WWOX: variants seen among roughly 807,000 people sequenced by gnomAD.
WWOX encodes the protein WW domain containing oxidoreductase, also known as WW domain-containing oxidoreductase.
A neutral mutation model predicts 46.2 loss-of-function variants in WWOX; 69 were observed. The ratio of observed to expected loss-of-function variants is 1.49; its 90% CI spans 1.23 to 1.82. The LOEUF (loss-of-function observed/expected upper bound fraction) is 1.82, where lower values mean the gene tolerates loss of function less well. Ranked by LOEUF, WWOX falls within the 40% of genes most tolerant of loss-of-function variation. The pLI is 0.00. For synonymous variants in WWOX, 359 were observed against 202.6 expected, an observed-to-expected ratio of 1.77 and a Z score of -6.56; for missense variants, 919 against 542.6, an observed-to-expected ratio of 1.69 and a Z score of -6.89.
intron 8 of WWOX, among the ~76,000 whole-genome samples, chr16:78,601,847 G>T (rs540482857): frequency 2.1e-5 from 3 of 141,892 alleles, no homozygotes; most frequent in Admixed American, 2.0e-4. Flanking sequence ...CGACTCTGCA[G>T]ATCCCTACTC....
At chr16:79,171,166 G>A (rs931478294) in intron 8 of WWOX, among the ~76,000 whole-genome samples, 2 of 152,156 alleles carry the variant, frequency 1.3e-5, no homozygotes, top group Non-Finnish European at 2.9e-5. Flanking sequence ...ACACTGACTT[G>A]GGAGACACAC....
At chr16:78,623,179 C>A (rs1161797674) in intron 8 of WWOX, among the ~76,000 whole-genome samples, 1 of 151,646 alleles carries the variant, frequency 6.6e-6, no homozygotes, top group East Asian at 1.9e-4. Context: ...GCCCAGACTC[C>A]TATCCTATGG....
chr16:78,315,085 A>G (rs1332582364), intron 5 of WWOX, among the ~76,000 whole-genome samples: 2 of 151,912 alleles, frequency 1.3e-5, no homozygotes, highest in African/African-American at 4.8e-5. Context: ...CTATCTATCG[A>G]TTTCTCTTTT....
chr16:78,416,950 T>G (rs1017540155), intron 6 of WWOX, among the ~76,000 whole-genome samples: 1 of 152,036 alleles, frequency 6.6e-6, no homozygotes, highest in Non-Finnish European at 1.5e-5. Context: ...AGCTACAGTT[T>G]CTCTAAGAAG....
intron 8 of WWOX, among the ~76,000 whole-genome samples, chr16:78,470,639 C>T (rs1278217243): frequency 6.6e-6 from 1 of 152,206 alleles, no homozygotes; most frequent in African/African-American, 2.4e-5. Context: ...AAGCCATTCT[C>T]CTGCCTCAGC....
At chr16:79,061,186 C>A (rs1266925325) in intron 8 of WWOX, among the ~76,000 whole-genome samples, 2 of 152,138 alleles carry the variant, frequency 1.3e-5, no homozygotes, top group African/African-American at 4.8e-5. Context: ...TGTGTGCCAA[C>A]CCGAAAGCCT....
chr16:78,247,604 A>G (rs1438842839), intron 5 of WWOX, among the ~76,000 whole-genome samples: 4 of 151,998 alleles, frequency 2.6e-5, no homozygotes, highest in Non-Finnish European at 5.9e-5. Flanking sequence ...TAGTTCTGCA[A>G]TTTCCCAACA....
At chr16:78,732,597 T>G (rs1347840062) in intron 8 of WWOX, among the ~76,000 whole-genome samples, 1 of 152,202 alleles carries the variant, frequency 6.6e-6, no homozygotes, top group Non-Finnish European at 1.5e-5. Flanking sequence ...ATGTGGTAAC[T>G]GGGCTATGCT....
chr16:78,788,612 T>C (rs2050515791), intron 8 of WWOX, among the ~76,000 whole-genome samples: 1 of 152,198 alleles, frequency 6.6e-6, no homozygotes, highest in Non-Finnish European at 1.5e-5. Context: ...ACCCCATACC[T>C]CGCCCTATGT....
chr16:78,674,343 G>C (rs1236760043), intron 8 of WWOX, among the ~76,000 whole-genome samples: 1 of 150,018 alleles, frequency 6.7e-6, no homozygotes, highest in East Asian at 2.0e-4. Flanking sequence ...GGAGTGCAGT[G>C]GTGCGATCTT....
chr16:78,204,611 A>T (rs1368738940), intron 5 of WWOX, among the ~76,000 whole-genome samples: 2 of 151,962 alleles, frequency 1.3e-5, no homozygotes, highest in African/African-American at 4.8e-5. Context: ...CATTTCTGTG[A>T]GTTCAGTTGT....
Position 78,234,955 on chromosome 16 carries a change from T to G in WWOX, c.516+70666T>G, listed in dbSNP as rs555158008. The stretch of plus-strand genomic sequence containing the variant: ...AGGGATTAAGGATATAAACCCAACT[T>G]CAAATTTCTTTCTGGGTGGTCTTGA... On this transcript the variant is annotated intron_variant, in intron 5 of 8. Coordinates refer to ENST00000566780, the MANE Select transcript of WWOX (RefSeq NM_016373.4). Among the ~76,000 whole-genome samples the G allele has an allele frequency of 7.2e-5, 11 of 152,088 alleles. No homozygotes were observed. The South Asian group carries it at 2.3e-3, about 32-fold the overall frequency.
chr16:78,439,424 C>T (rs2083400188), intron 8 of WWOX, among the ~76,000 whole-genome samples: 1 of 152,152 alleles, frequency 6.6e-6, no homozygotes, highest in African/African-American at 2.4e-5. Context: ...CACCTTCTTG[C>T]AGGAAGAAAC....
chr16:78,874,691 T>TTC (rs1567618806), intron 8 of WWOX, among the ~76,000 whole-genome samples: 2 of 143,168 alleles, frequency 1.4e-5, no homozygotes, highest in African/African-American at 5.3e-5. Flanking sequence ...TTTCTTTTTT[T>TTC]TTTTTTTTTT....
intron 8 of WWOX, among the ~76,000 whole-genome samples, chr16:79,176,699 A>G (rs943637084): frequency 2.6e-5 from 4 of 152,160 alleles, no homozygotes; most frequent in Admixed American, 1.3e-4. Flanking sequence ...TCATTTTATG[A>G]TAGAATACAA....
intron 8 of WWOX, among the ~76,000 whole-genome samples, chr16:78,619,496 C>T (rs187820146): frequency 2.6e-5 from 4 of 151,636 alleles, no homozygotes; most frequent in African/African-American, 9.7e-5. Context: ...ATTACAGGAC[C>T]CTGCCAACCT....
chr16:78,905,595 G>A (rs368340396), intron 8 of WWOX, among the ~76,000 whole-genome samples: 141 of 152,032 alleles, frequency 9.3e-4, no homozygotes, highest in South Asian at 7.7e-3. Context: ...TGACCAGGCC[G>A]GACTCAAACT....
At chr16:78,440,629 T>TC (rs1478701395) in intron 8 of WWOX, among the ~76,000 whole-genome samples, 1 of 145,812 alleles carries the variant, frequency 6.9e-6, no homozygotes, top group African/African-American at 2.7e-5. Flanking sequence ...TTTTTTCTTT[T>TC]TTTTTGAGAC....
chr16:78,335,015 G>C (rs1184522250), intron 5 of WWOX, among the ~76,000 whole-genome samples: 2 of 151,980 alleles, frequency 1.3e-5, no homozygotes, highest in Admixed American at 6.6e-5. Context: ...GTAGCCCCTG[G>C]ACCTGCAGTG....
Sources: gnomAD v4.1 joint callset for allele counts (sites outside exome capture counted in the v4.1 genomes callset) on GRCh38, gnomAD v4.1.1 for gene constraint, MANE v1.5 for transcripts, NCBI Gene and HGNC (gene_info 2026-07-23, HGNC 2026-07-21) for gene names.